The following SYNE1 variants were observed in gnomAD, a reference collection of about 807,000 sequenced individuals.
The protein encoded by SYNE1 is spectrin repeat containing nuclear envelope protein 1.
Under a neutral mutation model 1,111.0 loss-of-function variants are expected in SYNE1, and 616 were observed. The observed-to-expected ratio is 0.55, with a 90% CI of 0.52 to 0.59. SYNE1 has a LOEUF of 0.59. Ranked by LOEUF, SYNE1 falls within the 20% of genes least tolerant of loss-of-function variation. The pLI is 0.00. For missense variants in SYNE1, 10,006 were observed against 10,417.0 expected, an observed-to-expected ratio of 0.96 and a Z score of 1.72; for synonymous variants, 3,855 against 3,825.8, an observed-to-expected ratio of 1.01 and a Z score of -0.28.
intron 126 of SYNE1, among the ~76,000 whole-genome samples, chr6:152,203,400 C>T (rs1288338507): frequency 6.6e-6 from 1 of 152,202 alleles, no homozygotes; most frequent in Non-Finnish European, 1.5e-5. Context: ...TTGTCCAACA[C>T]TGCCCGTTTG....
At chr6:152,451,526 AG>A (rs2098650420) in intron 25 of SYNE1, among the ~76,000 whole-genome samples, 1 of 118,544 alleles carries the variant, frequency 8.4e-6, no homozygotes, top group African/African-American at 3.4e-5. Flanking sequence ...TCTGTCGCCC[AG>A]GGTGGAGTAC....
intron 40 of SYNE1, among the ~76,000 whole-genome samples, chr6:152,418,011 T>G (rs1214721350): frequency 6.6e-6 from 1 of 152,216 alleles, no homozygotes; most frequent in Admixed American, 6.5e-5. Context: ...ATTGGCAACA[T>G]TCTCAGTGGT....
chr6:152,339,405 G>C (rs2096483133), intron 74 of SYNE1, 39 bp from the exon 75 acceptor site: 1 of 1,609,880 alleles, frequency 6.2e-7, no homozygotes, highest in Admixed American at 1.7e-5. Context: ...AGATGCATCA[G>C]CTATTTAGAT....
At chr6:152,593,021 T>C (rs1348171439) in intron 3 of SYNE1, among the ~76,000 whole-genome samples, 1 of 152,226 alleles carries the variant, frequency 6.6e-6, no homozygotes, top group Non-Finnish European at 1.5e-5. Context: ...TATTTATCTT[T>C]CTTAAATGTA....
At chr6:152,374,748 TG>T (rs1408248952) in intron 58 of SYNE1, among the ~76,000 whole-genome samples, 2 of 151,234 alleles carry the variant, frequency 1.3e-5, no homozygotes, top group African/African-American at 4.9e-5. Context: ...GACTCCAGCC[TG>T]GGTGACAGAG....
intron 124 of SYNE1, among the ~76,000 whole-genome samples, chr6:152,210,148 G>A (rs776782326): frequency 2.0e-5 from 3 of 152,118 alleles, no homozygotes; most frequent in Non-Finnish European, 4.4e-5. Flanking sequence ...CTTGCAATCT[G>A]AGGCCTTCTT....
chr6:152,549,070 C>A (rs1041487305), intron 3 of SYNE1, among the ~76,000 whole-genome samples: 4 of 152,198 alleles, frequency 2.6e-5, no homozygotes, highest in African/African-American at 9.7e-5. Flanking sequence ...AATGAGGTCA[C>A]CTTGGATCTT....
At chr6:152,424,295 T>C (rs1423077781) in intron 39 of SYNE1, among the ~76,000 whole-genome samples, 1 of 152,248 alleles carries the variant, frequency 6.6e-6, no homozygotes, top group African/African-American at 2.4e-5. Flanking sequence ...TTTTAATACT[T>C]ATAAAATCTT....
intron 3 of SYNE1, among the ~76,000 whole-genome samples, chr6:152,621,522 T>G (rs2099675341): frequency 6.6e-6 from 1 of 151,970 alleles, no homozygotes; most frequent in African/African-American, 2.4e-5. Flanking sequence ...CATATATAAT[T>G]TTTGAATTGA....
At chr6:152,306,292 C>A (rs747621680) in intron 91 of SYNE1, among the ~76,000 whole-genome samples, 1 of 152,060 alleles carries the variant, frequency 6.6e-6, no homozygotes, top group Admixed American at 6.6e-5. Flanking sequence ...TCAATACCAG[C>A]CTGGCCAACG....
intron 8 of SYNE1, among the ~76,000 whole-genome samples, chr6:152,507,482 C>T (rs1431476632): frequency 3.9e-5 from 6 of 151,974 alleles, no homozygotes; most frequent in Non-Finnish European, 5.9e-5. Flanking sequence ...CACACACATA[C>T]ACACACACTG....
chr6:152,322,249 A>G (rs1422926302), intron 82 of SYNE1, among the ~76,000 whole-genome samples: 1 of 152,212 alleles, frequency 6.6e-6, no homozygotes, highest in Non-Finnish European at 1.5e-5. Flanking sequence ...AATAGAAAGT[A>G]GTCTTTAAAG....
rs545593246 is a variant in SYNE1, at chr6:152,215,518, C to G, written c.22192-458G>C. ...TTGATTTATTTACTCATAGGCAATT[C>G]TTGACAGAACTGATTAAGGATGAAA... On this transcript the variant is annotated intron_variant, in intron 121 of 145. Transcript: ENST00000367255. Among the ~76,000 whole-genome samples the G allele has an allele frequency of 7.2e-5, 11 of 152,176 alleles. No homozygotes were observed. The South Asian group carries it at 1.7e-3, about 23-fold the overall frequency.
In SYNE1 at chr6:152,358,436, G is replaced by C. The variant is rs527448479; in HGVS notation, c.10545C>G (p.Leu3515=). 3.1e-6 allele frequency: 5 copies of C among 1,614,124 alleles called. No individual in the cohort carries two copies. Among genetic ancestry groups the C allele is most frequent in the Non-Finnish European group, 3.4e-6 (4 of 1,180,030 alleles). Residue 3515 remains leucine (L), a synonymous_variant, in exon 66 of 146, where the codon CTC becomes CTG. Coordinates refer to ENST00000367255, the MANE Select transcript of SYNE1 (RefSeq NM_182961.4). ...EVWLGQEQEK[L]DQYSVLEGDA... is the part of the protein sequence containing the mutation. ...CACCTTCAAGAACTGAATACTGGTC[G>C]AGCTTTTCTTGTTCTTGCCCCAACC...
intron 112 of SYNE1, among the ~76,000 whole-genome samples, chr6:152,232,576 AAACTT>A (rs1280065846): frequency 2.0e-5 from 3 of 152,240 alleles, no homozygotes; most frequent in African/African-American, 4.8e-5. Context: ...GAGTCTAAAA[AAACTT>A]AACCAGAAAA....
intron 38 of SYNE1, among the ~76,000 whole-genome samples, chr6:152,426,875 A>G (rs1258589512): frequency 6.6e-6 from 1 of 152,256 alleles, no homozygotes; most frequent in African/African-American, 2.4e-5. Flanking sequence ...TTCCGATGCT[A>G]TAGACACTGG....
chr6:152,557,110 A>T (rs2099367675), intron 3 of SYNE1, among the ~76,000 whole-genome samples: 2 of 152,292 alleles, frequency 1.3e-5, no homozygotes, highest in Admixed American at 1.3e-4. Flanking sequence ...AGAGACAGAA[A>T]CCATACAAAA....
At position 152,635,306 on chromosome 6, in the gene SYNE1, TA is replaced by T. The variant is rs770228208; in HGVS notation, c.-224+1331del. ...GCAAATATTTCCAAAGCCTAGCAAA[TA>T]TTGTTATCTGGGTCAGTCTGAAGCT... is the stretch of plus-strand genomic sequence containing the variant. On this transcript the variant is annotated intron_variant, in intron 2 of 145. Transcript: ENST00000367255. Among the ~76,000 whole-genome samples the T allele has an allele frequency of 4.7e-4, 71 of 152,178 alleles. 1 individual carries two copies. The highest frequency in any genetic ancestry group is 5.6e-4 in the Non-Finnish European group (38 of 68,034).
chr6:152,154,967 T>A lies in SYNE1; in HGVS notation c.24054A>T (p.Ser8018=). The A allele has an allele frequency of 6.2e-7, 1 of 1,614,224 alleles. No homozygotes were observed. The highest frequency in any genetic ancestry group is 8.5e-7 in the Non-Finnish European group (1 of 1,180,028). Residue 8018 remains serine, a synonymous_variant, in exon 133 of 146, where the codon TCA becomes TCT. Coordinates refer to ENST00000367255, the MANE Select transcript of SYNE1 (RefSeq NM_182961.4). ...AGCTGGGAAAAGCAGCTGTCCTTTC[T>A]GAAGACTTCAGCCAATCTTCAAAAC... The part of the protein sequence containing the change: ...YSRFEDWLKS[S]ERTAAFPSSS...
Sources: allele counts gnomAD v4.1 joint callset (sites outside exome capture counted in the v4.1 genomes callset), GRCh38; gene constraint gnomAD v4.1.1; transcripts MANE v1.5; gene names NCBI Gene and HGNC (gene_info 2026-07-23, HGNC 2026-07-21).